Variants in AGPS observed in about 807,000 individuals in gnomAD.
The protein encoded by AGPS is alkylglycerone phosphate synthase, also known as alkyldihydroxyacetonephosphate synthase, peroxisomal.
Under a neutral mutation model 90.7 loss-of-function variants are expected in AGPS, and 26 were observed. The observed-to-expected ratio is 0.29, with a 90% CI of 0.21 to 0.40. AGPS has a LOEUF of 0.40. AGPS is among the 10% of genes least tolerant of loss of function. The probability of loss-of-function intolerance (pLI) is 1.00; values close to 1 mark genes in which losing one functional copy is unlikely to be tolerated. For synonymous variants in AGPS, 294 were observed against 285.3 expected (o/e 1.03, Z -0.31); for missense variants, 540 against 816.1 (o/e 0.66, Z 4.12).
At chr2:177,527,673 G>T (rs2079100977) in intron 19 of AGPS, among the ~76,000 whole-genome samples, 1 of 152,104 alleles carries the variant, frequency 6.6e-6, no homozygotes, top group Admixed American at 6.6e-5. Context: ...TTACATTAAA[G>T]CTATGTGTAT....
At chr2:177,441,248 C>T (rs1225409326) in intron 6 of AGPS, 2 of 515,094 alleles carry the variant, frequency 3.9e-6, no homozygotes, top group Non-Finnish European at 3.4e-6. Flanking sequence ...TGGCTTTTTC[C>T]TCTATGGGCC....
intron 8 of AGPS, among the ~76,000 whole-genome samples, chr2:177,451,286 T>C (rs1361787296): frequency 1.3e-5 from 2 of 152,158 alleles, no homozygotes; most frequent in African/African-American, 4.8e-5. Flanking sequence ...GATTTGTCCC[T>C]AAGTAGTACA....
chr2:177,465,300 A>C (rs904062046), intron 9 of AGPS, among the ~76,000 whole-genome samples: 19 of 150,830 alleles, frequency 1.3e-4, no homozygotes, highest in African/African-American at 4.4e-4. Context: ...TTTTTTTTTT[A>C]AGTGTCCTGT....
chr2:177,462,713 T>C (rs2105667631), intron 9 of AGPS, among the ~76,000 whole-genome samples: 1 of 152,228 alleles, frequency 6.6e-6, no homozygotes, highest in Non-Finnish European at 1.5e-5. Context: ...AAAAATATAG[T>C]AGAACAACAA....
chr2:177,416,478 A>G (rs1685786830), intron 1 of AGPS, among the ~76,000 whole-genome samples: 2 of 152,132 alleles, frequency 1.3e-5, no homozygotes, highest in Admixed American at 6.5e-5. Context: ...TTTTTTATGC[A>G]GTAAAATCAA....
intron 11 of AGPS, among the ~76,000 whole-genome samples, chr2:177,483,015 A>G (rs1321572958): frequency 1.3e-5 from 2 of 151,880 alleles, no homozygotes; most frequent in Non-Finnish European, 2.9e-5. Context: ...TAATACTTCT[A>G]TTAGCTATAC....
intron 2 of AGPS, among the ~76,000 whole-genome samples, chr2:177,431,485 C>T (rs564293735): frequency 1.3e-5 from 2 of 152,072 alleles, no homozygotes; most frequent in Non-Finnish European, 2.9e-5. Context: ...GGATCTTTTC[C>T]CCACCCTAAT....
At position 177,527,804 on chromosome 2, in the gene AGPS, G is replaced by A. The variant is rs1033882128; in HGVS notation, c.1855+3999G>A. Among the ~76,000 whole-genome samples, 37 of 152,232 alleles carry A rather than the reference G, an allele frequency of 2.4e-4. No individual in the cohort carries two copies. The Middle Eastern group carries it at 0.01, about 42-fold the overall frequency. Reference sequence around the variant, plus strand: ...GTTGAAGTTGAATCTAGCAACGTTTGATGGCATATTAATTTATTTAGAGGT... The same window carrying A: ...GTTGAAGTTGAATCTAGCAACGTTTAATGGCATATTAATTTATTTAGAGGT... On this transcript the variant is annotated intron_variant, in intron 19 of 19. Coordinates refer to ENST00000264167, the MANE Select transcript of AGPS (RefSeq NM_003659.4).
chr2:177,526,271 C>A (rs1273434015), intron 19 of AGPS, among the ~76,000 whole-genome samples: 1 of 148,592 alleles, frequency 6.7e-6, no homozygotes, highest in Non-Finnish European at 1.5e-5. Flanking sequence ...ACTTTATCAC[C>A]CAGGCTGGAG....
Position 177,490,096 on chromosome 2 carries a change from C to T in AGPS, c.1234-3052C>T, listed in dbSNP as rs185374810. Among the ~76,000 whole-genome samples, 455 of 152,198 alleles carry T rather than the reference C, an allele frequency of 3.0e-3. 4 individuals carry two copies. The highest frequency in any genetic ancestry group is 0.01 in the African/African-American group (430 of 41,502). On this transcript the variant is annotated intron_variant, in intron 11 of 19. Coordinates refer to ENST00000264167, the MANE Select transcript of AGPS (RefSeq NM_003659.4). ...TAGTTTTAAAGCAGTGGAAACATAA[C>T]CTAATCTTAACTGTACATATAGTAA...
At chr2:177,444,326 C>T (rs1484977342) in intron 7 of AGPS, among the ~76,000 whole-genome samples, 1 of 149,148 alleles carries the variant, frequency 6.7e-6, no homozygotes, top group Admixed American at 6.8e-5. Context: ...GAGGCTGAGG[C>T]AGGAGAATTG....
chr2:177,472,154 A>T (rs1431176943), intron 10 of AGPS, among the ~76,000 whole-genome samples: 1 of 150,332 alleles, frequency 6.7e-6, no homozygotes, highest in East Asian at 1.9e-4. Context: ...ATCCTCAGGG[A>T]CATTGATTAT....
intron 10 of AGPS, among the ~76,000 whole-genome samples, chr2:177,476,283 A>T (rs950631209): frequency 3.9e-5 from 6 of 151,946 alleles, no homozygotes; most frequent in Admixed American, 1.3e-4. Context: ...TTTGAGATTT[A>T]AAAAAATATG....
intron 16 of AGPS, among the ~76,000 whole-genome samples, chr2:177,512,129 T>G (rs1361272474): frequency 2.6e-5 from 4 of 152,066 alleles, no homozygotes; most frequent in Non-Finnish European, 5.9e-5. Flanking sequence ...TTTTATAAAT[T>G]TGTAATATAC....
intron 11 of AGPS, among the ~76,000 whole-genome samples, chr2:177,491,603 C>T (rs1688263131): frequency 1.3e-5 from 2 of 151,576 alleles, no homozygotes; most frequent in African/African-American, 4.8e-5. Context: ...TTAATGCCAT[C>T]TAATATTCAT....
rs1687931494 is a variant in AGPS, at chr2:177,481,129, C to A, written c.1106-930C>A. ...ACTGGAAGCTTTGGTTTTTGCGAAACTTTTAAATTTCTTGCGTTATGAAGA... is the reference window on the plus strand; with the variant it reads ...ACTGGAAGCTTTGGTTTTTGCGAAAATTTTAAATTTCTTGCGTTATGAAGA... On this transcript the variant is annotated intron_variant, in intron 10 of 19. Transcript: ENST00000264167. Among the ~76,000 whole-genome samples the A allele has an allele frequency of 2.0e-5, 3 of 152,052 alleles. No homozygotes were observed. The South Asian group carries it at 6.2e-4, about 31-fold the overall frequency.
In AGPS at chr2:177,505,588, A is replaced by G. The variant is rs1347684197; in HGVS notation, c.1545+13A>G. 3 of 1,602,350 alleles carry G rather than the reference A, an allele frequency of 1.9e-6. No homozygotes were observed. Among genetic ancestry groups the G allele is most frequent in the Admixed American group, 1.7e-5 (1 of 59,970 alleles). ...TGCATACATTCGAGTAAGTTATATC[A>G]TATTTCCCTTGCCACTTAATTTATG... On this transcript the variant is annotated intron_variant, in intron 15 of 19. Transcript: ENST00000264167.
Position 177,468,542 on chromosome 2 carries a change from T to C in AGPS, c.1105+18T>C, listed in dbSNP as rs919034026. The C allele has an allele frequency of 2.3e-5, 35 of 1,553,268 alleles. No homozygotes were observed. The highest frequency in any genetic ancestry group is 3.1e-5 in the Non-Finnish European group (35 of 1,125,644). Reference sequence around the variant, plus strand: ...ATCTGAAGGTAAATATAACTGTAAATTTATTAAGAAAAAATACAGGTTAGT... The same window carrying C: ...ATCTGAAGGTAAATATAACTGTAAACTTATTAAGAAAAAATACAGGTTAGT... On this transcript the variant is annotated intron_variant, in intron 10 of 19. Coordinates refer to ENST00000264167, the MANE Select transcript of AGPS (RefSeq NM_003659.4).
chr2:177,542,558 A>G lies in AGPS; in HGVS notation c.*4363A>G, dbSNP rs2079246444. 6.6e-6 allele frequency: 1 copy of G among 152,204 alleles called. No homozygotes were observed. The highest frequency in any genetic ancestry group is 2.4e-5 in the African/African-American group (1 of 41,454). The allele number at this position is 152,204 out of a possible 1,614,324, so 9.4% of individuals were successfully genotyped here. On this transcript the variant is annotated 3_prime_UTR_variant, in exon 20 of 20. Transcript: ENST00000264167. ...TATTTATTTTTCCACAAGGAAAAACATCTTGCAGAGACTCTGAATTCCAAA... is the reference window on the plus strand; with the variant it reads ...TATTTATTTTTCCACAAGGAAAAACGTCTTGCAGAGACTCTGAATTCCAAA...
Sources: gnomAD v4.1 joint callset for allele counts (sites outside exome capture counted in the v4.1 genomes callset) on GRCh38, gnomAD v4.1.1 for gene constraint, MANE v1.5 for transcripts, NCBI Gene and HGNC (gene_info 2026-07-23, HGNC 2026-07-21) for gene names.